The following VAC14 variants were observed in gnomAD, a reference collection of about 807,000 sequenced individuals.
VAC14 encodes the protein protein VAC14 homolog.
In VAC14, 47 loss-of-function variants were observed where a neutral mutation model predicts 85.3. The observed-to-expected ratio is 0.55, with a 90% confidence interval of 0.44 to 0.70. The LOEUF is 0.70. Ranked by LOEUF, VAC14 falls within the 30% of genes least tolerant of loss-of-function variation. VAC14 has a pLI of 0.00. For synonymous variants in VAC14, 447 were observed against 430.5 expected (o/e 1.04, Z -0.47); for missense variants, 861 against 1,004.3 (o/e 0.86, Z 1.93).
At chr16:70,737,972 T>A (rs1275087577) in intron 13 of VAC14, among the ~76,000 whole-genome samples, 2 of 152,102 alleles carry the variant, frequency 1.3e-5, no homozygotes, top group Non-Finnish European at 2.9e-5. Flanking sequence ...GGGCTCAAGA[T>A]CTGCTGCCTG....
intron 3 of VAC14, among the ~76,000 whole-genome samples, chr16:70,785,179 C>G (rs1356117423): frequency 6.6e-6 from 1 of 152,230 alleles, no homozygotes; most frequent in East Asian, 1.9e-4. Flanking sequence ...CCTTGTTCCA[C>G]TCCTGGAGGA....
At chr16:70,772,344 C>T in intron 9 of VAC14, 172 bp from the exon 10 acceptor site, 2 of 588,340 alleles carry the variant, frequency 3.4e-6, no homozygotes, top group African/African-American at 3.7e-5. Context: ...CCCAGTCATT[C>T]TCGATAGTCC....
rs184203833 is a variant in VAC14 at position 70,762,555 on chromosome 16, C to T, written c.1356G>A (p.Ser452=). Residue 452 remains serine, a synonymous_variant, in exon 12 of 19, where the codon TCG becomes TCA. Transcript: ENST00000261776. The surrounding 1 kb of genome is among the most constrained non-coding windows in gnomAD (Gnocchi z 4.1). ...SLFPILLQTL[S]DESDEVILKD... The stretch of plus-strand genomic sequence containing the variant: ...GGTGACCTACCTCATCCGATTCATC[C>T]GATAACGTCTGCAGTAGGATGGGAA... 7.0e-5 allele frequency: 113 copies of T among 1,614,144 alleles called. No homozygotes were observed. The highest frequency in any genetic ancestry group is 1.2e-4 in the African/African-American group (9 of 75,068).
At chr16:70,746,395 C>A (rs1344772010) in intron 12 of VAC14, among the ~76,000 whole-genome samples, 1 of 152,342 alleles carries the variant, frequency 6.6e-6, no homozygotes, top group Admixed American at 6.5e-5. Flanking sequence ...TCTGTGGGCC[C>A]CTGGGACCCT....
chr16:70,799,357 A>T (rs987191482), intron 1 of VAC14, among the ~76,000 whole-genome samples: 14 of 152,178 alleles, frequency 9.2e-5, no homozygotes, highest in Non-Finnish European at 1.8e-4. Flanking sequence ...GCAGTCAAGA[A>T]AGTGGTGTCT....
At chr16:70,710,903 C>T (rs1248741891) in intron 14 of VAC14, among the ~76,000 whole-genome samples, 2 of 152,268 alleles carry the variant, frequency 1.3e-5, no homozygotes, top group African/African-American at 4.8e-5. Context: ...CTCGTGTTCC[C>T]GTGGCAACTT....
intron 14 of VAC14, among the ~76,000 whole-genome samples, chr16:70,722,826 T>C (rs984620119): frequency 2.0e-5 from 3 of 152,104 alleles, no homozygotes; most frequent in Non-Finnish European, 4.4e-5. Context: ...ATGCCTGTAA[T>C]CCTAGCACTT....
At chr16:70,751,901 T>A (rs530985387) in intron 12 of VAC14, among the ~76,000 whole-genome samples, 1 of 152,316 alleles carries the variant, frequency 6.6e-6, no homozygotes, top group East Asian at 1.9e-4. Flanking sequence ...AACGCCCTGG[T>A]CTGCACGGGG....
intron 18 of VAC14, chr16:70,690,394 C>CT: frequency 2.0e-6 from 2 of 985,644 alleles, no homozygotes; most frequent in South Asian, 4.7e-5. Context: ...GGCACCGAGG[C>CT]TGAGGCCAGC....
chr16:70,724,290 G>A (rs1037406297), intron 14 of VAC14, among the ~76,000 whole-genome samples: 2 of 152,192 alleles, frequency 1.3e-5, no homozygotes, highest in East Asian at 1.9e-4. Context: ...TGTGGGGACT[G>A]CTTGGAGGAG....
At chr16:70,721,596 A>C (rs1217125693) in intron 14 of VAC14, among the ~76,000 whole-genome samples, 1 of 152,092 alleles carries the variant, frequency 6.6e-6, no homozygotes, top group Non-Finnish European at 1.5e-5. Context: ...CTCTCTAATG[A>C]GGCTGAGCCC....
intron 18 of VAC14, chr16:70,691,801 G>C (rs1359232372): frequency 1.0e-6 from 1 of 985,314 alleles, no homozygotes; most frequent in Non-Finnish European, 1.2e-6. Flanking sequence ...GTCTGGGTGG[G>C]AGGGGCAGTG....
chr16:70,762,751 C>T lies in VAC14; in HGVS notation c.1305+130G>A. 1 of 1,515,900 alleles carries T rather than the reference C, an allele frequency of 6.6e-7. No individual in the cohort carries two copies. The highest frequency in any genetic ancestry group is 9.0e-7 in the Non-Finnish European group (1 of 1,110,808). The allele number at this position is 1,515,900 out of a possible 1,614,324, so 93.9% of individuals were successfully genotyped here. On this transcript the variant is annotated intron_variant, in intron 11 of 18. Transcript: ENST00000261776. The surrounding 1 kb of genome is among the most constrained non-coding windows in gnomAD (Gnocchi z 4.1). ...ACACAATGAGGGCTCCTCGCAGCAC[C>T]TGTCACTTCTCTGCCGGCCAGGGTT...
intron 14 of VAC14, among the ~76,000 whole-genome samples, chr16:70,726,813 AAG>A (rs1424643431): frequency 6.6e-6 from 1 of 152,208 alleles, no homozygotes; most frequent in Non-Finnish European, 1.5e-5. Flanking sequence ...GAAGGTTTTA[AAG>A]CCACTGGCTT....
At chr16:70,778,307 T>C (rs1056480664) in intron 9 of VAC14, 1 of 152,184 alleles carries the variant, frequency 6.6e-6, no homozygotes, top group African/African-American at 2.4e-5. Context: ...TGTTTTTAGT[T>C]GAGGCCACGA....
chr16:70,756,941 GA>G (rs1381345469), intron 12 of VAC14, among the ~76,000 whole-genome samples: 1 of 152,182 alleles, frequency 6.6e-6, no homozygotes, highest in African/African-American at 2.4e-5. Flanking sequence ...CCACTGCCAT[GA>G]ATACTGTCCT....
chr16:70,764,556 T>C (rs887716872), intron 10 of VAC14, among the ~76,000 whole-genome samples: 1 of 152,214 alleles, frequency 6.6e-6, no homozygotes, highest in African/African-American at 2.4e-5. Flanking sequence ...AAGTCACAGA[T>C]ATAATTTTAC....
chr16:70,777,769 GGT>G (rs1166898749), intron 9 of VAC14, among the ~76,000 whole-genome samples: 1 of 152,192 alleles, frequency 6.6e-6, no homozygotes, highest in Non-Finnish European at 1.5e-5. Context: ...TGAGGAACGT[GGT>G]GCTGTCGGCG....
chr16:70,726,901 A>C (rs1430240551), intron 14 of VAC14, among the ~76,000 whole-genome samples: 1 of 152,164 alleles, frequency 6.6e-6, no homozygotes, highest in African/African-American at 2.4e-5. Context: ...AGTCCAACCC[A>C]CTCAAGCCTG....
Sources: allele counts gnomAD v4.1 joint callset (sites outside exome capture counted in the v4.1 genomes callset), GRCh38; gene constraint gnomAD v4.1.1; non-coding constraint Gnocchi (gnomAD v3.1); transcripts MANE v1.5; gene names NCBI Gene and HGNC (gene_info 2026-07-23, HGNC 2026-07-21).